The following RGS3 variants were observed in gnomAD, a reference collection of about 807,000 sequenced individuals.
RGS3 encodes regulator of G protein signaling 3, also known as regulator of G-protein signalling 3.
A neutral mutation model predicts 132.6 loss-of-function variants in RGS3; 80 were observed. The ratio of observed to expected loss-of-function variants is 0.60; its 90% CI spans 0.50 to 0.73. The LOEUF is 0.73. Ranked by LOEUF, RGS3 falls within the 30% of genes least tolerant of loss-of-function variation. RGS3 has a pLI of 0.00. For synonymous variants in RGS3, 598 were observed against 620.6 expected, an observed-to-expected ratio of 0.96 and a Z score of 0.54; for missense variants, 1,382 against 1,530.8, an observed-to-expected ratio of 0.90 and a Z score of 1.62.
chr9:113,559,584 G>A lies in RGS3; in HGVS notation c.2037+22666G>A, dbSNP rs1293648457. On this transcript the variant is annotated intron_variant, in intron 19 of 24. Coordinates refer to ENST00000350696, the Ensembl canonical transcript of RGS3. The stretch of plus-strand genomic sequence containing the variant: ...GAATCATCCATTGCGGTCTCAAGTT[G>A]CTGAGAAAGAGGCAGATAGCAAGGG... Among the ~76,000 whole-genome samples, 5 of 152,202 alleles carry A rather than the reference G, an allele frequency of 3.3e-5. No homozygotes were observed. The East Asian group carries it at 9.6e-4, about 29-fold the overall frequency.
intron 1 of RGS3, among the ~76,000 whole-genome samples, chr9:113,445,743 A>G (rs1003323468): frequency 9.2e-5 from 14 of 152,156 alleles, no homozygotes; most frequent in African/African-American, 2.7e-4. Context: ...CGGTGGCGCA[A>G]TCTCTGCTCA....
chr9:113,483,207 G>A, intron 5 of RGS3, 90 bp downstream of exon 3: 1 of 900,840 alleles, frequency 1.1e-6, no homozygotes, highest in East Asian at 2.4e-5. Flanking sequence ...CTGTGGGGCT[G>A]GTGACCTTTG....
intron 19 of RGS3, among the ~76,000 whole-genome samples, chr9:113,545,577 C>T (rs1447237224): frequency 6.6e-6 from 1 of 152,038 alleles, no homozygotes; most frequent in African/African-American, 2.4e-5. Context: ...TTTTTTTAGC[C>T]CCTGAAGAAG....
intron 21 of RGS3, chr9:113,593,530 G>A (rs931214961): frequency 5.4e-6 from 1 of 185,148 alleles, no homozygotes; most frequent in African/African-American, 2.3e-5. Flanking sequence ...AAGTTTATAG[G>A]ACTTGTACTT....
rs775376564 is a variant in RGS3, at chr9:113,591,304, AC to A, written c.3016-28del. ...TAGGCAGGAGTTCCTGGGTGCCCAG[AC>A]TGCATCGTGTCTGTCTTCTCTCCGC... On this transcript the variant is annotated intron_variant, in intron 20 of 24. Transcript: ENST00000350696. This position sits in a 1 kb window ranked among gnomAD's most constrained non-coding sequence, Gnocchi z 4.4. The A allele has an allele frequency of 2.5e-6, 4 of 1,607,666 alleles. No individual in the cohort carries two copies.
At chr9:113,501,622 T>A in intron 10 of RGS3, 1 of 1,562,638 alleles carries the variant, frequency 6.4e-7, no homozygotes, top group Non-Finnish European at 8.6e-7. Context: ...GGAGCGCCGC[T>A]ACCGCCAGGT....
intron 1 of RGS3, among the ~76,000 whole-genome samples, chr9:113,455,162 C>T (rs1165687638): frequency 1.3e-5 from 2 of 152,206 alleles, no homozygotes; most frequent in Non-Finnish European, 2.9e-5. Flanking sequence ...TGTCTCTTTT[C>T]TGTTTCTCAG....
intron 19 of RGS3, among the ~76,000 whole-genome samples, chr9:113,551,387 G>A (rs903001057): frequency 5.3e-5 from 8 of 152,136 alleles, no homozygotes; most frequent in Admixed American, 3.3e-4. Flanking sequence ...TGGACATTTG[G>A]GTTGTTTACA....
chr9:113,589,296 G>T (rs1444876253), intron 20 of RGS3: 1 of 152,256 alleles, frequency 6.6e-6, no homozygotes, highest in Non-Finnish European at 1.5e-5. Context: ...CTGCAGCTAT[G>T]GTGAGTCCCT....
chr9:113,473,544 G>A (rs775502537), intron 3 of RGS3, among the ~76,000 whole-genome samples: 2 of 151,940 alleles, frequency 1.3e-5, no homozygotes, highest in Non-Finnish European at 2.9e-5. Flanking sequence ...CACCACGTCC[G>A]GCTAATTTTA....
Position 113,453,066 on chromosome 9 carries a change from T to C in RGS3, c.-12-7179T>C, listed in dbSNP as rs956585765. Reference sequence around the variant, plus strand: ...TAATATATAATATATAAGTATACATTATATATATTTATATAATATAGAAAT... The same window carrying C: ...TAATATATAATATATAAGTATACATCATATATATTTATATAATATAGAAAT... On this transcript the variant is annotated intron_variant, in intron 1 of 25. Transcript: ENST00000374140. Among the ~76,000 whole-genome samples, 272 of 134,918 alleles carry C rather than the reference T, an allele frequency of 2.0e-3. 2 individuals are homozygous for C. Among genetic ancestry groups the C allele is most frequent in the African/African-American group, 5.1e-3 (187 of 36,556 alleles). The allele number at this position is 134,918 out of a possible 152,430, so 88.5% of individuals were successfully genotyped here.
chr9:113,454,007 G>A (rs180859931), intron 1 of RGS3, among the ~76,000 whole-genome samples: 40 of 151,966 alleles, frequency 2.6e-4, no homozygotes, highest in African/African-American at 7.7e-4. Context: ...TTGTAAAGAT[G>A]GGGTCTAAGT....
At position 113,595,846 on chromosome 9, in the gene RGS3, C is replaced by G. The variant is rs1835748056; in HGVS notation, c.3411+81C>G. On this transcript the variant is annotated intron_variant, in intron 24 of 24. Coordinates refer to ENST00000350696, the Ensembl canonical transcript of RGS3. ...TCAGCTGCAAGGTGGCAGCCAGCAG[C>G]ACAGGAAGGGGAGAGGCCAGAATGA... 6 of 1,492,016 alleles carry G rather than the reference C, an allele frequency of 4.0e-6. No homozygotes were observed. In the East Asian group the frequency reaches 1.4e-4, roughly 34 times the overall value. 92.4% of individuals were successfully genotyped at this position (1,492,016 alleles called of 1,614,324 possible). A position where few individuals can be genotyped will look rare whatever the true frequency, so the allele number is the denominator to read the frequency against.
In RGS3 at chr9:113,471,718, G is replaced by A. The variant is rs536895331; in HGVS notation, c.416-7773G>A. On this transcript the variant is annotated intron_variant, in intron 3 of 24. Coordinates refer to ENST00000350696, the Ensembl canonical transcript of RGS3. The stretch of plus-strand genomic sequence containing the variant: ...TGCCTGCCTACCTGCAGTTGTCCGA[G>A]CAGGCATTACTGGGGCTGGAGGGTC... Among the ~76,000 whole-genome samples, 61 of 151,996 alleles carry A rather than the reference G, an allele frequency of 4.0e-4. 1 individual carries two copies. The highest frequency in any genetic ancestry group is 1.4e-3 in the African/African-American group (58 of 41,470).
intron 10 of RGS3, among the ~76,000 whole-genome samples, chr9:113,502,018 G>A (rs563136556): frequency 6.6e-6 from 1 of 152,342 alleles, no homozygotes; most frequent in Non-Finnish European, 1.5e-5. Context: ...CCCCCTGTGC[G>A]TGTATGTTGG....
chr9:113,510,694 C>T (rs1485522580), intron 14 of RGS3, among the ~76,000 whole-genome samples: 1 of 152,108 alleles, frequency 6.6e-6, no homozygotes, highest in Non-Finnish European at 1.5e-5. Context: ...CATAGTAAGT[C>T]AGCAAGAGCA....
intron 19 of RGS3, among the ~76,000 whole-genome samples, chr9:113,573,566 C>G: frequency 6.6e-6 from 1 of 152,216 alleles, no homozygotes; most frequent in Admixed American, 6.5e-5. Flanking sequence ...GTGTCCTTCC[C>G]TGAGGTCATC....
In RGS3 at chr9:113,572,830, C is replaced by T. The variant is rs547439610; in HGVS notation, c.2038-10620C>T. On this transcript the variant is annotated intron_variant, in intron 19 of 24. Coordinates refer to ENST00000350696, the Ensembl canonical transcript of RGS3. ...CAGACTGACCCAGCCTAGGGGCAGG[C>T]TGAGCACAGACTCATCTGCCTTCTC... 4.6e-5 allele frequency among the ~76,000 whole-genome samples: 7 copies of T among 152,374 alleles called. No homozygotes were observed. The East Asian group carries it at 1.3e-3, about 29-fold the overall frequency.
intron 10 of RGS3, among the ~76,000 whole-genome samples, chr9:113,499,301 C>T (rs1474013492): frequency 6.6e-6 from 1 of 151,736 alleles, no homozygotes; most frequent in Non-Finnish European, 1.5e-5. Flanking sequence ...GTGCTGTTAC[C>T]TAATCTTCAC....
Sources: gnomAD v4.1 joint callset for allele counts (sites outside exome capture counted in the v4.1 genomes callset) on GRCh38, gnomAD v4.1.1 for gene constraint, Gnocchi (gnomAD v3.1) non-coding constraint, MANE v1.5 for transcripts, NCBI Gene and HGNC (gene_info 2026-07-23, HGNC 2026-07-21) for gene names.